RASL12: variants seen among roughly 807,000 people sequenced by gnomAD.
RASL12 encodes ras-like protein family member 12.
In RASL12, 16 loss-of-function variants were observed where a neutral mutation model predicts 22.9. That is an observed-to-expected ratio of 0.70 (90% CI 0.47 to 1.06). The LOEUF is 1.06. RASL12 is among the 50% of genes least tolerant of loss of function. The pLI is 0.00. For synonymous variants in RASL12, 159 were observed against 152.2 expected (o/e 1.04, Z -0.33); for missense variants, 306 against 353.1 (o/e 0.87, Z 1.07).
intron 4 of RASL12, among the ~76,000 whole-genome samples, chr15:65,056,927 T>C (rs940779375): frequency 6.7e-6 from 1 of 149,606 alleles, no homozygotes; most frequent in African/African-American, 2.5e-5. Context: ...ACAATCCCTT[T>C]GGCAAAGATT....
chr15:65,050,956 T>C (rs1389547484), downstream of RASL12, among the ~76,000 whole-genome samples: 1 of 150,490 alleles, frequency 6.6e-6, no homozygotes, highest in Non-Finnish European at 1.5e-5. Context: ...GTGATTCTCA[T>C]GCCTCAGTCT....
intron 2 of RASL12, among the ~76,000 whole-genome samples, chr15:65,061,776 G>A (rs931035165): frequency 7.9e-5 from 12 of 151,930 alleles, no homozygotes; most frequent in Admixed American, 3.9e-4. Flanking sequence ...TGGGCCGGGC[G>A]TGGTGGCTCA....
chr15:65,061,126 T>C (rs1292431301), intron 2 of RASL12, among the ~76,000 whole-genome samples: 1 of 152,228 alleles, frequency 6.6e-6, no homozygotes, highest in East Asian at 1.9e-4. Flanking sequence ...TAGCTCAACC[T>C]TGGTCTCCTG....
intron 2 of RASL12, among the ~76,000 whole-genome samples, chr15:65,061,777 T>C (rs556636240): frequency 5.1e-4 from 77 of 152,006 alleles, no homozygotes; most frequent in Non-Finnish European, 6.6e-4. Flanking sequence ...GGGCCGGGCG[T>C]GGTGGCTCAC....
chr15:65,067,659 A>G (rs1210749467), intron 1 of RASL12, 74 bp downstream of exon 1: 4 of 1,466,728 alleles, frequency 2.7e-6, no homozygotes, highest in Non-Finnish European at 3.6e-6. Context: ...CCTGCCCCCA[A>G]GAGCACAGCC....
At position 65,059,467 on chromosome 15, in the gene RASL12, G is replaced by A. The variant is rs115321553; in HGVS notation, c.161-49C>T. ...GTCAGACACAGTGCCTTGGGTGTAA[G>A]TTTGAGCTTCCCTCTGTGCTAGACC... is the stretch of plus-strand genomic sequence containing the variant. On this transcript the variant is annotated intron_variant, in intron 2 of 4. Coordinates refer to ENST00000220062, the MANE Select transcript of RASL12 (RefSeq NM_016563.4). 83 of 1,461,334 alleles carry A rather than the reference G, an allele frequency of 5.7e-5. No homozygotes were observed. In the African/African-American group the frequency reaches 1.0e-3, roughly 18 times the overall value. 90.5% of individuals were successfully genotyped at this position (1,461,334 alleles called of 1,614,324 possible).
intron 3 of RASL12, among the ~76,000 whole-genome samples, chr15:65,058,868 T>C (rs1233759529): frequency 6.6e-6 from 1 of 152,240 alleles, no homozygotes; most frequent in Non-Finnish European, 1.5e-5. Flanking sequence ...CCAAAGACTC[T>C]GGCATGGTCC....
At chr15:65,072,158 A>C (rs1213072224), upstream of RASL12, among the ~76,000 whole-genome samples, 3 of 152,168 alleles carry the variant, frequency 2.0e-5, no homozygotes, top group African/African-American at 7.2e-5. Context: ...GGGGAAAGAA[A>C]GAAACTGGCA....
Position 65,067,785 on chromosome 15 carries a change from C to T in RASL12, c.51G>A (p.Ala17=). ...GGATGGCCAGGTTGACCTCGAGGGGCGCGCTCTGAGGCCCGCTGCCCGCGC... is the reference window on the plus strand; with the variant it reads ...GGATGGCCAGGTTGACCTCGAGGGGTGCGCTCTGAGGCCCGCTGCCCGCGC... ...KPRAGSGPQS[A]PLEVNLAILG... is the part of the protein sequence containing the mutation. Residue 17 remains alanine, a synonymous_variant, in exon 1 of 5, where the codon GCG becomes GCA. Coordinates refer to ENST00000220062, the MANE Select transcript of RASL12 (RefSeq NM_016563.4). The T allele has an allele frequency of 6.3e-7, 1 of 1,581,610 alleles. No homozygotes were observed. The highest frequency in any genetic ancestry group is 1.7e-4 in the Middle Eastern group (1 of 5,982).
At chr15:65,060,101 C>G (rs1286238285) in intron 2 of RASL12, among the ~76,000 whole-genome samples, 1 of 152,200 alleles carries the variant, frequency 6.6e-6, no homozygotes, top group Non-Finnish European at 1.5e-5. Context: ...ACATTGCTAA[C>G]AGTTTCCAAG....
chr15:65,046,286 A>C, the RASL12 span, among the ~76,000 whole-genome samples: 1 of 151,982 alleles, frequency 6.6e-6, no homozygotes, highest in Non-Finnish European at 1.5e-5. Context: ...GGGCAACAAG[A>C]GTGAAACTCT....
chr15:65,069,433 A>G (rs1211277791), upstream of RASL12, among the ~76,000 whole-genome samples: 1 of 152,208 alleles, frequency 6.6e-6, no homozygotes, highest in Admixed American at 6.5e-5. Flanking sequence ...CTGGTTCCAG[A>G]TGGGGCCTTT....
chr15:65,064,595 T>C (rs2086853877), intron 2 of RASL12, among the ~76,000 whole-genome samples: 1 of 151,314 alleles, frequency 6.6e-6, no homozygotes, highest in Non-Finnish European at 1.5e-5. Flanking sequence ...ACCTATTTGT[T>C]TTTGAGTTTT....
Position 65,054,890 on chromosome 15 carries a change from G to T in RASL12, c.*9C>A, listed in dbSNP as rs774755414. 5.0e-6 allele frequency: 8 copies of T among 1,603,460 alleles called. No homozygotes were observed. Among genetic ancestry groups the T allele is most frequent in the Non-Finnish European group, 6.8e-6 (8 of 1,172,750 alleles). Reference sequence around the variant, plus strand: ...AGCCACCGAGCCTAGGCTTCCTGGGGAGGGGGCCTCAGAAGATCTTGAAGC... The same window carrying T: ...AGCCACCGAGCCTAGGCTTCCTGGGTAGGGGGCCTCAGAAGATCTTGAAGC... On this transcript the variant is annotated 3_prime_UTR_variant, in exon 5 of 5. Coordinates refer to ENST00000220062, the MANE Select transcript of RASL12 (RefSeq NM_016563.4).
rs777366482 is a variant in RASL12 at position 65,058,588 on chromosome 15, C to T, written c.264G>A (p.Leu88=). 4.5e-5 allele frequency: 72 copies of T among 1,584,084 alleles called. No individual in the cohort carries two copies. The highest frequency in any genetic ancestry group is 6.0e-5 in the Non-Finnish European group (70 of 1,159,870). ...LDTPRNCERY[L]NWAHAFLVVY... ...CCACCAGGAAGGCATGGGCCCAGTT[C>T]AGGTAGCGCTCGCAGTTCCTGGGGG... Residue 88 remains leucine (L), a synonymous_variant, in exon 4 of 5, where the codon CTG becomes CTA. Coordinates refer to ENST00000220062, the MANE Select transcript of RASL12 (RefSeq NM_016563.4).
At chr15:65,049,780 G>T (rs887698158), downstream of RASL12, 2 of 419,788 alleles carry the variant, frequency 4.8e-6, no homozygotes, top group Middle Eastern at 1.2e-3. Flanking sequence ...CGTGCTCCTG[G>T]GTTCGTTCGG....
downstream of RASL12, chr15:65,050,176 G>C: frequency 8.4e-7 from 1 of 1,194,846 alleles, no homozygotes. Context: ...TGAAGGTCCT[G>C]ACACTGTCGT....
At chr15:65,051,655 C>A (rs376837594), downstream of RASL12, 1 of 1,558,770 alleles carries the variant, frequency 6.4e-7, no homozygotes, top group South Asian at 1.1e-5. Flanking sequence ...GGGTAGAGGC[C>A]CTGCCTTCCC....
downstream of RASL12, chr15:65,052,887 C>A: frequency 2.9e-6 from 4 of 1,367,534 alleles, no homozygotes; most frequent in Non-Finnish European, 3.1e-6. Context: ...TCCCCTTAGA[C>A]TCTTTAAGCC....
Sources: allele counts gnomAD v4.1 joint callset (sites outside exome capture counted in the v4.1 genomes callset), GRCh38; gene constraint gnomAD v4.1.1; transcripts MANE v1.5; gene names NCBI Gene and HGNC (gene_info 2026-07-23, HGNC 2026-07-21).